The following FBLN5 variants were observed in gnomAD, a reference collection of about 807,000 sequenced individuals.
FBLN5 encodes fibulin-5.
FBLN5 carries 24 observed loss-of-function variants against 61.6 expected under a neutral mutation model. The observed-to-expected ratio is 0.39, with a 90% CI of 0.28 to 0.55. The LOEUF is 0.55. Among genes scored for constraint, FBLN5 ranks in the 20% least tolerant of loss-of-function variants. FBLN5 has a pLI of 0.65. For missense variants in FBLN5, 470 were observed against 594.1 expected (o/e 0.79, Z 2.17); for synonymous variants, 213 against 219.8 (o/e 0.97, Z 0.27).
chr14:91,923,086 T>C (rs1460463836), intron 4 of FBLN5, among the ~76,000 whole-genome samples: 1 of 152,158 alleles, frequency 6.6e-6, no homozygotes, highest in African/African-American at 2.4e-5. Flanking sequence ...CTGGTTGTCA[T>C]AAGCATCTTT....
intron 7 of FBLN5, among the ~76,000 whole-genome samples, chr14:91,886,864 G>A (rs973101395): frequency 3.3e-5 from 5 of 152,068 alleles, no homozygotes; most frequent in Non-Finnish European, 7.4e-5. Context: ...GACTTGAGTC[G>A]GTGCTGGGTG....
At chr14:91,911,428 A>T (rs1416883613) in intron 4 of FBLN5, among the ~76,000 whole-genome samples, 1 of 152,256 alleles carries the variant, frequency 6.6e-6, no homozygotes, top group Non-Finnish European at 1.5e-5. Context: ...AAAGCTCTTT[A>T]CACAGTACCA....
intron 2 of FBLN5, chr14:91,942,251 C>T (rs536714348): frequency 1.1e-5 from 5 of 450,562 alleles, no homozygotes; most frequent in South Asian, 6.3e-5. Flanking sequence ...GCCTCACCCA[C>T]CCCCTTCTTA....
intron 7 of FBLN5, among the ~76,000 whole-genome samples, chr14:91,885,019 A>G (rs1052865127): frequency 1.3e-5 from 2 of 152,190 alleles, no homozygotes; most frequent in Admixed American, 1.3e-4. Flanking sequence ...CCTGAGAGAC[A>G]AGGCTAGGAG....
At position 91,881,432 on chromosome 14, in the gene FBLN5, G is replaced by T. The variant is rs762040092; in HGVS notation, c.863-14C>A. ...ATTCGTTGATGTCTGAAATGCAGGG[G>T]AGACAAGAAGCGGAGGCAGGGCATT... On this transcript the variant is annotated splice_polypyrimidine_tract_variant and intron_variant, in intron 8 of 10. Transcript: ENST00000342058. 1.9e-6 allele frequency: 3 copies of T among 1,614,112 alleles called. No homozygotes were observed. The highest frequency in any genetic ancestry group is 2.5e-6 in the Non-Finnish European group (3 of 1,180,006).
At chr14:91,910,943 C>T (rs545322716) in intron 4 of FBLN5, among the ~76,000 whole-genome samples, 21 of 151,912 alleles carry the variant, frequency 1.4e-4, no homozygotes, top group African/African-American at 5.1e-4. Context: ...GCTTTGGGGT[C>T]GGATCTGGTT....
At chr14:91,915,482 G>A (rs1316260515) in intron 4 of FBLN5, among the ~76,000 whole-genome samples, 1 of 151,776 alleles carries the variant, frequency 6.6e-6, no homozygotes, top group Non-Finnish European at 1.5e-5. Context: ...TCAGGAGATC[G>A]AGACTATCCT....
At position 91,947,306 on chromosome 14, in the gene FBLN5, G is replaced by A. The variant is rs751344551; in HGVS notation, c.-77C>T. The A allele has an allele frequency of 1.9e-5, 30 of 1,566,542 alleles. No individual in the cohort carries two copies. The Admixed American group carries it at 4.7e-4, about 24-fold the overall frequency. On this transcript the variant is annotated 5_prime_UTR_variant, in exon 1 of 11. In the 5' UTR this introduces an upstream ATG that the reference lacks. Transcript: ENST00000342058. This position sits in a 1 kb window ranked among gnomAD's most constrained non-coding sequence, Gnocchi z 4.3. Reference sequence around the variant, plus strand: ...GGGACCCCCGGAGGAGCTCGGGCACGTCGGCCTCCTCTGGGCCCTCGGGGC... The same window carrying A: ...GGGACCCCCGGAGGAGCTCGGGCACATCGGCCTCCTCTGGGCCCTCGGGGC...
intron 4 of FBLN5, among the ~76,000 whole-genome samples, chr14:91,908,428 C>T (rs1220934812): frequency 6.6e-6 from 1 of 152,164 alleles, no homozygotes; most frequent in Non-Finnish European, 1.5e-5. Context: ...CTTCTATCAC[C>T]CTCTCTTGGT....
chr14:91,913,022 T>C (rs1432881844), intron 4 of FBLN5, among the ~76,000 whole-genome samples: 1 of 152,174 alleles, frequency 6.6e-6, no homozygotes, highest in Non-Finnish European at 1.5e-5. Context: ...CCATATTGAG[T>C]AGTGCAGAAT....
At chr14:91,889,035 C>G (rs1470730277) in intron 6 of FBLN5, among the ~76,000 whole-genome samples, 1 of 152,220 alleles carries the variant, frequency 6.6e-6, no homozygotes, top group Non-Finnish European at 1.5e-5. Flanking sequence ...AGGCTAATCC[C>G]ATGGCCACAA....
chr14:91,889,353 C>A (rs898075521), intron 6 of FBLN5, among the ~76,000 whole-genome samples: 1 of 152,314 alleles, frequency 6.6e-6, no homozygotes, highest in Admixed American at 6.5e-5. Context: ...AAGAGCAGGG[C>A]GACCAAAATG....
chr14:91,888,037 G>A (rs1330756654), intron 6 of FBLN5, among the ~76,000 whole-genome samples: 1 of 152,204 alleles, frequency 6.6e-6, no homozygotes, highest in Non-Finnish European at 1.5e-5. Flanking sequence ...AGTGGCTCAT[G>A]CCTGTAATCC....
chr14:91,929,006 C>A (rs1388441831), intron 4 of FBLN5, among the ~76,000 whole-genome samples: 1 of 151,286 alleles, frequency 6.6e-6, no homozygotes, highest in African/African-American at 2.4e-5. Context: ...TGCAGTGAGC[C>A]AAGATCGTGC....
intron 7 of FBLN5, among the ~76,000 whole-genome samples, chr14:91,886,251 C>T (rs1422845546): frequency 1.3e-5 from 2 of 152,110 alleles, no homozygotes; most frequent in African/African-American, 4.8e-5. Context: ...GCTGATGATG[C>T]CAGAAGTGGC....
rs762522472 is a variant in FBLN5, at chr14:91,877,560, G to T, written c.1112C>A (p.Thr371Lys). 1.2e-6 allele frequency: 2 copies of T among 1,614,004 alleles called. No homozygotes were observed. The highest frequency in any genetic ancestry group is 1.7e-6 in the Non-Finnish European group (2 of 1,179,984). Residue 371 changes from threonine to lysine, a missense_variant, in exon 10 of 11, where the codon ACG becomes AAG. Physicochemically the swap from Thr to Lys is moderately conservative, Grantham distance 78 (BLOSUM62 -1). Transcript: ENST00000342058. Reference sequence around the variant, plus strand: ...GTAATAGGCCCCAGGGTAGCGGGTCGTGGCTTGCATTTGGAAGATGTCAGC... The same window carrying T: ...GTAATAGGCCCCAGGGTAGCGGGTCTTGGCTTGCATTTGGAAGATGTCAGC... ...VPADIFQMQA[T>K]TRYPGAYYIF...
intron 6 of FBLN5, among the ~76,000 whole-genome samples, chr14:91,889,441 ACAGGGCCC>A (rs1181452815): frequency 1.3e-5 from 2 of 152,152 alleles, no homozygotes; most frequent in African/African-American, 4.8e-5. Flanking sequence ...CTGAGGGCAC[ACAGGGCCC>A]CACTCCAACC....
At position 91,929,117 on chromosome 14, in the gene FBLN5, CA is replaced by C. The variant is rs1160176526; in HGVS notation, c.379+7829del. On this transcript the variant is annotated intron_variant, in intron 4 of 10. Coordinates refer to ENST00000342058, the MANE Select transcript of FBLN5 (RefSeq NM_006329.4). Reference sequence around the variant, plus strand: ...CACACACACACACACACACACACCCCACACACACACATGATACAGTGATATA... The same window carrying C: ...CACACACACACACACACACACACCCCCACACACACATGATACAGTGATATA... 1.8e-3 allele frequency among the ~76,000 whole-genome samples: 272 copies of C among 150,132 alleles called. 3 individuals are homozygous for C. The highest frequency in any genetic ancestry group is 3.8e-3 in the Admixed American group (57 of 14,958).
intron 4 of FBLN5, among the ~76,000 whole-genome samples, chr14:91,909,624 AC>A (rs1456397539): frequency 2.0e-5 from 3 of 152,154 alleles, no homozygotes; most frequent in African/African-American, 7.2e-5. Context: ...ACAAAGACAG[AC>A]CCGAGCTGAT....
Sources: gnomAD v4.1 joint callset for allele counts (sites outside exome capture counted in the v4.1 genomes callset) on GRCh38, gnomAD v4.1.1 for gene constraint, Gnocchi (gnomAD v3.1) non-coding constraint, MANE v1.5 for transcripts, NCBI Gene and HGNC (gene_info 2026-07-23, HGNC 2026-07-21) for gene names.